The following CR1 variants were observed in gnomAD, a reference collection of about 807,000 sequenced individuals.
The protein encoded by CR1 is complement C3b/C4b receptor 1 (Knops blood group).
Under a neutral mutation model 187.3 loss-of-function variants are expected in CR1, and 116 were observed. The observed-to-expected ratio is 0.62, with a 90% confidence interval of 0.53 to 0.72. CR1 has a LOEUF of 0.72. Ranked by LOEUF, CR1 falls within the 30% of genes least tolerant of loss-of-function variation. The probability of loss-of-function intolerance (pLI) is 0.00; values close to 1 mark genes in which losing one functional copy is unlikely to be tolerated. For synonymous variants in CR1, 576 were observed against 747.1 expected, an observed-to-expected ratio of 0.77 and a Z score of 3.73; for missense variants, 1,731 against 2,110.7, an observed-to-expected ratio of 0.82 and a Z score of 3.52.
At chr1:207,608,875 C>T (rs1402372911) in intron 36 of CR1, among the ~76,000 whole-genome samples, 2 of 152,042 alleles carry the variant, frequency 1.3e-5, no homozygotes, top group African/African-American at 2.4e-5. Context: ...ATTTCTCATG[C>T]CTTATCTTTT....
At chr1:207,615,315 G>C (rs1662060841) in intron 40 of CR1, among the ~76,000 whole-genome samples, 1 of 151,900 alleles carries the variant, frequency 6.6e-6, no homozygotes, top group African/African-American at 2.4e-5. Context: ...TATGAACAAG[G>C]AAATAAATAA....
rs200412937 is a variant in CR1, at chr1:207,580,551, C to T, written c.5154C>T (p.Gly1718=). 150 of 1,613,106 alleles carry T rather than the reference C, an allele frequency of 9.3e-5. No homozygotes were observed. In the East Asian group the frequency reaches 3.3e-3, roughly 35 times the overall value. ...ACTTCTTGGGTCAACTCCCTCATGG[C>T]CGTGTGCTATTTCCACTTAATCTCC... ...CDDFLGQLPH[G]RVLFPLNLQL... Residue 1718 remains glycine, a synonymous_variant, in exon 31 of 47, where the codon GGC becomes GGT. Transcript: ENST00000367049.
intron 33 of CR1, 116 bp from the exon 34 acceptor site, chr1:207,587,270 A>C (rs762492413): frequency 9.6e-5 from 83 of 861,432 alleles, no homozygotes; most frequent in Non-Finnish European, 1.4e-4. Flanking sequence ...ATCTTTTGCT[A>C]TTCTTGTAAG....
chr1:207,506,589 A>C, intron 2 of CR1, 125 bp from the exon 3 acceptor site: 1 of 777,668 alleles, frequency 1.3e-6, no homozygotes, highest in Non-Finnish European at 2.1e-6. Flanking sequence ...AAGGTAGCAA[A>C]ATCTGTGGAA....
intron 35 of CR1, among the ~76,000 whole-genome samples, chr1:207,603,850 C>T (rs986872986): frequency 2.0e-5 from 3 of 152,108 alleles, no homozygotes; most frequent in Non-Finnish European, 4.4e-5. Flanking sequence ...ATCCTGCACA[C>T]GTGAAAAGAA....
Position 207,581,954 on chromosome 1 carries a change from C to T in CR1, c.5253C>T (p.Val1751=). Residue 1751 remains valine, a synonymous_variant, in exon 32 of 47, where the codon GTC becomes GTT. Transcript: ENST00000367049. ...AGGGCAGTTCCGTTAGTCATTGTGTCTTGGTTGGAATGAGAAGCCTTTGGA... is the reference window on the plus strand; with the variant it reads ...AGGGCAGTTCCGTTAGTCATTGTGTTTTGGTTGGAATGAGAAGCCTTTGGA... ...RLKGSSVSHC[V]LVGMRSLWNN... The T allele has an allele frequency of 6.2e-7, 1 of 1,613,136 alleles. No individual in the cohort carries two copies. Among genetic ancestry groups the T allele is most frequent in the South Asian group, 1.1e-5 (1 of 91,026 alleles).
chr1:207,610,630 T>A (rs1558265784), intron 37 of CR1, among the ~76,000 whole-genome samples: 1 of 152,176 alleles, frequency 6.6e-6, no homozygotes, highest in African/African-American at 2.4e-5. Flanking sequence ...CCATGCCTAG[T>A]TTCAAATGCA....
At position 207,578,210 on chromosome 1, in the gene CR1, C is replaced by A; in HGVS notation, c.4936+7C>A. 2 of 1,611,802 alleles carry A rather than the reference C, an allele frequency of 1.2e-6. No homozygotes were observed. The highest frequency in any genetic ancestry group is 1.1e-5 in the South Asian group (1 of 90,990). On this transcript the variant is annotated splice_region_variant and intron_variant, in intron 29 of 46. Transcript: ENST00000367049. ...TTACCAAGCTGCTCCAGGGGTGAGT[C>A]TGACTGATGCCTAGAAGGGCCCTGC...
At chr1:207,498,524 G>A (rs1012009922) in intron 1 of CR1, among the ~76,000 whole-genome samples, 4 of 152,162 alleles carry the variant, frequency 2.6e-5, no homozygotes, top group African/African-American at 9.6e-5. Context: ...GTGAAAAAAA[G>A]AACTATAATT....
intron 46 of CR1, 43 bp downstream of exon 46, chr1:207,630,664 A>C: frequency 5.9e-6 from 8 of 1,346,002 alleles, no homozygotes; most frequent in Non-Finnish European, 8.1e-6. Context: ...TCAACAACTC[A>C]AATATCAAAA....
intron 34 of CR1, 144 bp from the exon 35 acceptor site, chr1:207,588,531 T>C: frequency 1.6e-6 from 1 of 642,288 alleles, no homozygotes; most frequent in Admixed American, 3.1e-5. Context: ...GATTCTGAAG[T>C]TGTCTGCCAA....
intron 35 of CR1, among the ~76,000 whole-genome samples, chr1:207,601,513 T>C (rs945112624): frequency 3.9e-5 from 6 of 152,186 alleles, no homozygotes; most frequent in African/African-American, 1.4e-4. Context: ...ACAGCTGCTG[T>C]ACCATTTTAC....
intron 37 of CR1, among the ~76,000 whole-genome samples, chr1:207,610,707 C>G (rs115815408): frequency 3.9e-5 from 6 of 152,108 alleles, no homozygotes; most frequent in African/African-American, 1.4e-4. Flanking sequence ...GGTTAAAATA[C>G]GGTCTAAGCA....
chr1:207,568,042 G>A lies in CR1; in HGVS notation c.4171G>A (p.Gly1391Ser), dbSNP rs1449928382. Residue 1391 changes from glycine (G) to serine (S), a missense_variant and splice_region_variant, in exon 25 of 47, where the codon GGT (glycine) becomes AGT (serine). Around this residue, in one of 5 missense-constraint regions of CR1, gnomAD observed 1,312 missense variants for 1,379.6 expected, o/e 0.95. Coordinates refer to ENST00000367049, the MANE Select transcript of CR1 (RefSeq NM_000651.6). ...CCCTGCCCCTCGCTGTGGAATTCTG[G>A]GTTAGTGCTCATTTCCCCACATCCC... ...SSPAPRCGIL[G>S]HCQAPDHFLF... The A allele has an allele frequency of 1.9e-6, 3 of 1,610,556 alleles. No homozygotes were observed. The African/African-American group carries it at 4.2e-5, about 22-fold the overall frequency.
rs1333363091 is a variant in CR1, at chr1:207,580,578, G to A, written c.5181G>A (p.Gln1727=). Residue 1727 remains glutamine (Q), a synonymous_variant, in exon 31 of 47, where the codon CAG becomes CAA. Transcript: ENST00000367049. ...GTGTGCTATTTCCACTTAATCTCCA[G>A]CTTGGGGCAAAGGTGTCCTTTGTCT... ...HGRVLFPLNL[Q]LGAKVSFVCD... is the part of the protein sequence containing the mutation. The A allele has an allele frequency of 1.2e-6, 2 of 1,612,640 alleles. No individual in the cohort carries two copies. The highest frequency in any genetic ancestry group is 1.7e-6 in the Non-Finnish European group (2 of 1,179,754).
chr1:207,523,432 G>A (rs1660058748), intron 4 of CR1, among the ~76,000 whole-genome samples, 179 bp from the exon 5 acceptor site: 1 of 152,070 alleles, frequency 6.6e-6, no homozygotes. Flanking sequence ...CAGTAAGAAA[G>A]GCAGGACACA....
In CR1 at chr1:207,578,253, G is replaced by C. The variant is rs771845752; in HGVS notation, c.4936+50G>C. ...GGCCCTGCCAGTGACATGTGTTGCT[G>C]TTGGATCAGGAGATGAGTATTTGTT... On this transcript the variant is annotated intron_variant, in intron 29 of 46. Transcript: ENST00000367049. The C allele has an allele frequency of 2.2e-5, 35 of 1,611,624 alleles. No individual in the cohort carries two copies. The South Asian group carries it at 3.5e-4, about 16-fold the overall frequency.
intron 43 of CR1, 48 bp from the exon 44 acceptor site, chr1:207,621,925 C>T (rs1165212254): frequency 6.6e-7 from 1 of 1,517,412 alleles, no homozygotes; most frequent in Non-Finnish European, 9.0e-7. Context: ...CCTGTTCAAT[C>T]ATGTTGCATG....
chr1:207,568,305 C>A (rs559677023), intron 25 of CR1, among the ~76,000 whole-genome samples: 2 of 125,246 alleles, frequency 1.6e-5, no homozygotes, highest in Non-Finnish European at 3.2e-5. Context: ...AAAACAGATG[C>A]CTGTGAATCT....
Sources: gnomAD v4.1 joint callset for allele counts (sites outside exome capture counted in the v4.1 genomes callset) on GRCh38, gnomAD v4.1.1 for gene constraint, gnomAD v4.1.1 regional missense constraint, MANE v1.5 for transcripts, NCBI Gene and HGNC (gene_info 2026-07-23, HGNC 2026-07-21) for gene names.